The following EDIL3 variants were observed in gnomAD, a reference collection of about 807,000 sequenced individuals.
EDIL3 encodes EGF like and discoidin domains 3.
Under a neutral mutation model 67.4 loss-of-function variants are expected in EDIL3, and 37 were observed. That is an observed-to-expected ratio of 0.55 (90% confidence interval 0.42 to 0.72). The LOEUF (loss-of-function observed/expected upper bound fraction) is 0.72. EDIL3 is among the 30% of genes least tolerant of loss of function. The probability of loss-of-function intolerance (pLI) is 0.00; values close to 1 mark genes in which losing one functional copy is unlikely to be tolerated. For synonymous variants in EDIL3, 195 were observed against 196.3 expected (o/e 0.99, Z 0.05); for missense variants, 527 against 586.3 (o/e 0.90, Z 1.04).
chr5:83,944,238 C>T (rs370724256), intron 10 of EDIL3, among the ~76,000 whole-genome samples: 4 of 151,962 alleles, frequency 2.6e-5, no homozygotes, highest in African/African-American at 7.2e-5. Context: ...CCAAATGAGA[C>T]AACACAATCA....
intron 1 of EDIL3, among the ~76,000 whole-genome samples, chr5:84,256,714 C>T (rs545372846): frequency 1.3e-5 from 2 of 152,234 alleles, no homozygotes; most frequent in South Asian, 2.1e-4. Context: ...TGTATCACCA[C>T]ATTTGTGCTT....
At chr5:84,102,226 A>T (rs774115355) in intron 6 of EDIL3, among the ~76,000 whole-genome samples, 3 of 152,132 alleles carry the variant, frequency 2.0e-5, no homozygotes, top group Non-Finnish European at 4.4e-5. Context: ...AATGAGCAAA[A>T]GATGGAAGCA....
chr5:84,293,396 C>T (rs1745966809), intron 1 of EDIL3, among the ~76,000 whole-genome samples: 1 of 152,162 alleles, frequency 6.6e-6, no homozygotes, highest in African/African-American at 2.4e-5. Flanking sequence ...ACACTGGGGG[C>T]ACAGCCTCAG....
At chr5:84,018,848 C>A (rs1745654907) in intron 9 of EDIL3, among the ~76,000 whole-genome samples, 2 of 152,102 alleles carry the variant, frequency 1.3e-5, no homozygotes, top group South Asian at 4.1e-4. Context: ...CAATAAGATA[C>A]CATCTCACAC....
chr5:84,147,275 T>C (rs1748305110), intron 4 of EDIL3, among the ~76,000 whole-genome samples: 1 of 152,096 alleles, frequency 6.6e-6, no homozygotes. Flanking sequence ...CTCTAGAGTA[T>C]TTTACCATAA....
chr5:84,297,245 A>G (rs1746070103), intron 1 of EDIL3, among the ~76,000 whole-genome samples: 1 of 151,948 alleles, frequency 6.6e-6, no homozygotes, highest in South Asian at 2.1e-4. Flanking sequence ...ACTTTTCTAA[A>G]GAGGACATAT....
At chr5:84,146,162 T>A (rs1381284376) in intron 4 of EDIL3, among the ~76,000 whole-genome samples, 1 of 152,142 alleles carries the variant, frequency 6.6e-6, no homozygotes, top group Non-Finnish European at 1.5e-5. Context: ...CACTTGTAGA[T>A]TACTTATTAT....
At chr5:84,262,659 G>GTTTTTTTTTGTTTTTTTTT (rs1745251371) in intron 1 of EDIL3, among the ~76,000 whole-genome samples, 1 of 46,310 alleles carries the variant, frequency 2.2e-5, no homozygotes, top group Non-Finnish European at 3.6e-5. Context: ...AGGTTGGTTG[G>GTTTTTTTTTGTTTTTTTTT]TTTTTTTTTT....
intron 6 of EDIL3, among the ~76,000 whole-genome samples, chr5:84,090,382 A>G (rs186676672): frequency 6.6e-6 from 1 of 152,278 alleles, no homozygotes; most frequent in East Asian, 1.9e-4. Flanking sequence ...TAATAATAAA[A>G]GGACACATCT....
intron 3 of EDIL3, among the ~76,000 whole-genome samples, chr5:84,194,014 C>A (rs573817873): frequency 6.6e-6 from 1 of 151,884 alleles, no homozygotes; most frequent in Non-Finnish European, 1.5e-5. Flanking sequence ...TAGGGAACCA[C>A]TTTCACATTT....
At chr5:84,117,449 ATTAG>A (rs1294165612) in intron 5 of EDIL3, among the ~76,000 whole-genome samples, 1 of 152,232 alleles carries the variant, frequency 6.6e-6, no homozygotes, top group East Asian at 1.9e-4. Flanking sequence ...GGTATGGAAT[ATTAG>A]TTGTGTTCAA....
In EDIL3 at chr5:84,222,394, G is replaced by T. The variant is rs149187156; in HGVS notation, c.226+7461C>A. ...AATGTAAATGATTAAAATATTAAAA[G>T]ATTTAAAGGGAACTGGTGAATGTAT... On this transcript the variant is annotated intron_variant, in intron 3 of 10. Coordinates refer to ENST00000296591, the MANE Select transcript of EDIL3 (RefSeq NM_005711.5). Among the ~76,000 whole-genome samples the T allele has an allele frequency of 1.8e-3, 271 of 151,866 alleles. 2 individuals are homozygous for T. The highest frequency in any genetic ancestry group is 6.2e-3 in the African/African-American group (259 of 41,530).
chr5:84,292,250 C>T lies in EDIL3; in HGVS notation c.68-38038G>A, dbSNP rs565101744. ...TACACCATACTCTCTTTCATACCTG[C>T]TTACTAACAATAATTGGAAATATCA... is the stretch of plus-strand genomic sequence containing the variant. On this transcript the variant is annotated intron_variant, in intron 1 of 10. Transcript: ENST00000296591. Among the ~76,000 whole-genome samples the T allele has an allele frequency of 8.0e-4, 121 of 152,110 alleles. 1 individual carries two copies. The highest frequency in any genetic ancestry group is 2.6e-3 in the African/African-American group (109 of 41,488).
chr5:84,013,117 C>A (rs1345296378), intron 9 of EDIL3, among the ~76,000 whole-genome samples: 2 of 151,798 alleles, frequency 1.3e-5, no homozygotes, highest in African/African-American at 4.8e-5. Context: ...ACCTATTACA[C>A]TTATTTTATT....
Position 84,252,493 on chromosome 5 carries a change from CAAAA to C in EDIL3, c.196+1587_196+1590del, listed in dbSNP as rs70975548. On this transcript the variant is annotated intron_variant, in intron 2 of 10. Transcript: ENST00000296591. ...TGTGCGACAAAGTGAGACTCCGTCT[CAAAA>C]AAAAAAAAAAAAAAAAAAAAATTCT... Among the ~76,000 whole-genome samples, 26 of 28,952 alleles carry C rather than the reference CAAAA, an allele frequency of 9.0e-4. 1 individual carries two copies. The East Asian group carries it at 0.036, about 40-fold the overall frequency. 19.0% of individuals were successfully genotyped at this position (28,952 alleles called of 152,430 possible).
At chr5:83,963,081 CAT>C (rs1744631418) in intron 10 of EDIL3, 122 bp downstream of exon 10, 2 of 1,223,932 alleles carry the variant, frequency 1.6e-6, no homozygotes, top group Non-Finnish European at 2.2e-6. Flanking sequence ...TTTTATTTAA[CAT>C]ATATTTTCAG....
chr5:84,047,002 A>T (rs1746236378), intron 9 of EDIL3, among the ~76,000 whole-genome samples: 1 of 152,218 alleles, frequency 6.6e-6, no homozygotes, highest in South Asian at 2.1e-4. Flanking sequence ...GGCAGACATA[A>T]TACTGAATAT....
intron 2 of EDIL3, among the ~76,000 whole-genome samples, chr5:84,231,619 A>G (rs1382132723): frequency 2.0e-5 from 3 of 152,206 alleles, no homozygotes; most frequent in Non-Finnish European, 4.4e-5. Context: ...GTGTCCTGAC[A>G]GTGTTTTCTT....
intron 4 of EDIL3, among the ~76,000 whole-genome samples, chr5:84,151,248 TACACACACACGCACATACACAC>T (rs1561446529): frequency 1.4e-5 from 2 of 145,824 alleles, no homozygotes; most frequent in African/African-American, 5.2e-5. Flanking sequence ...AAGAACTGCA[TACACACACACGCACATACACAC>T]ACACACACAC....
Sources: gnomAD v4.1 joint callset for allele counts (sites outside exome capture counted in the v4.1 genomes callset) on GRCh38, gnomAD v4.1.1 for gene constraint, MANE v1.5 for transcripts, NCBI Gene and HGNC (gene_info 2026-07-23, HGNC 2026-07-21) for gene names.